WBP1L: variants seen among roughly 807,000 people sequenced by gnomAD.
WBP1L encodes WW domain binding protein 1 like.
In WBP1L, 17 loss-of-function variants were observed where a neutral mutation model predicts 33.7. That is an observed-to-expected ratio of 0.50 (90% CI 0.34 to 0.76). WBP1L has a LOEUF of 0.76. WBP1L is among the 30% of genes least tolerant of loss of function. The pLI is 0.01. For synonymous variants in WBP1L, 173 were observed against 190.8 expected, an observed-to-expected ratio of 0.91 and a Z score of 0.77; for missense variants, 389 against 469.4, an observed-to-expected ratio of 0.83 and a Z score of 1.58.
chr10:102,776,177 T>G, intron 1 of WBP1L: 1 of 1,437,316 alleles, frequency 7.0e-7, no homozygotes, highest in Non-Finnish European at 9.1e-7. Context: ...AAGGTGGGGG[T>G]GGGCCAGAGC....
chr10:102,760,258 C>T (rs557815466), intron 1 of WBP1L, among the ~76,000 whole-genome samples: 2 of 152,220 alleles, frequency 1.3e-5, no homozygotes, highest in Admixed American at 6.5e-5. Flanking sequence ...TTCTTTTAAA[C>T]TGGGCTCGGT....
At chr10:102,791,875 A>G (rs1590185271) in intron 1 of WBP1L, among the ~76,000 whole-genome samples, 1 of 152,232 alleles carries the variant, frequency 6.6e-6, no homozygotes, top group Non-Finnish European at 1.5e-5. Context: ...GATTAAAACC[A>G]TGCCTGGGGA....
chr10:102,768,371 GTT>G (rs1192088947), intron 1 of WBP1L, among the ~76,000 whole-genome samples: 3 of 12,226 alleles, frequency 2.5e-4, no homozygotes, highest in Admixed American at 1.1e-3. Flanking sequence ...TTAGTTTTTT[GTT>G]TTTTTTTTTT....
At position 102,810,583 on chromosome 10, in the gene WBP1L, T is replaced by TTTG. The variant is rs71019617; in HGVS notation, c.355+529_355+530insTTG. 2.8e-5 allele frequency among the ~76,000 whole-genome samples: 4 copies of TTTG among 141,218 alleles called. 1 individual carries two copies. The highest frequency in any genetic ancestry group is 4.6e-5 in the Non-Finnish European group (3 of 64,838). The allele number at this position is 141,218 out of a possible 152,430, so 92.6% of individuals were successfully genotyped here. On this transcript the variant is annotated intron_variant, in intron 3 of 3. Transcript: ENST00000448841. ...CTATTTCTTTTTTTTTTTTTTTTTT[T>TTTG]GAGATGGAGTTTCTCTCTTGTTGCC... is the stretch of plus-strand genomic sequence containing the variant.
chr10:102,764,727 G>A (rs1009158330), intron 1 of WBP1L, among the ~76,000 whole-genome samples: 2 of 152,180 alleles, frequency 1.3e-5, no homozygotes, highest in African/African-American at 4.8e-5. Flanking sequence ...TGAAATCTTA[G>A]ACCTGGAGTA....
chr10:102,766,300 G>C (rs1362969924), intron 1 of WBP1L, among the ~76,000 whole-genome samples: 1 of 151,904 alleles, frequency 6.6e-6, no homozygotes, highest in Non-Finnish European at 1.5e-5. Context: ...AAATTAGCTG[G>C]GCATGGTGCG....
intron 2 of WBP1L, among the ~76,000 whole-genome samples, chr10:102,809,058 C>A (rs1408402877): frequency 6.6e-6 from 1 of 150,694 alleles, no homozygotes; most frequent in Non-Finnish European, 1.5e-5. Context: ...GAGTGAGAGA[C>A]CTGCTTTGCT....
intron 1 of WBP1L, among the ~76,000 whole-genome samples, chr10:102,747,020 C>T (rs1221153190): frequency 1.3e-5 from 2 of 152,138 alleles, no homozygotes; most frequent in Non-Finnish European, 1.5e-5. Context: ...ACTTAACTCT[C>T]CTACAGGTTA....
chr10:102,781,445 C>T (rs1297463560), intron 1 of WBP1L, among the ~76,000 whole-genome samples: 1 of 152,108 alleles, frequency 6.6e-6, no homozygotes, highest in African/African-American at 2.4e-5. Flanking sequence ...GTTCCAGAAC[C>T]CAGGGCTAAT....
intron 1 of WBP1L, among the ~76,000 whole-genome samples, chr10:102,747,358 C>CAAAAAAAAAAAAAAAAAA (rs71019610): frequency 1.3e-5 from 1 of 79,022 alleles, no homozygotes. Flanking sequence ...GACTCCGTCT[C>CAAAAAAAAAAAAAAAAAA]AAAAAAAAAA....
chr10:102,769,590 T>C lies in WBP1L; in HGVS notation c.90+25447T>C, dbSNP rs959074917. Among the ~76,000 whole-genome samples, 4 of 152,328 alleles carry C rather than the reference T, an allele frequency of 2.6e-5. No individual in the cohort carries two copies. The East Asian group carries it at 7.7e-4, about 29-fold the overall frequency. ...GGTGGACTGGATGCAACTGTAAATA[T>C]CAGGTCACAAGTAAGGGGGAAGTGA... On this transcript the variant is annotated intron_variant, in intron 1 of 3. Coordinates refer to ENST00000448841, the MANE Select transcript of WBP1L (RefSeq NM_001083913.2).
At chr10:102,755,539 A>G (rs1842965167) in intron 1 of WBP1L, among the ~76,000 whole-genome samples, 1 of 151,438 alleles carries the variant, frequency 6.6e-6, no homozygotes, top group Non-Finnish European at 1.5e-5. Flanking sequence ...TTACAGGCAC[A>G]CACTACTATG....
chr10:102,809,650 C>T (rs1158927993), intron 2 of WBP1L, among the ~76,000 whole-genome samples: 1 of 152,236 alleles, frequency 6.6e-6, no homozygotes, highest in Non-Finnish European at 1.5e-5. Context: ...GCATGAGCCA[C>T]CACGCCCGGC....
At chr10:102,758,840 G>A (rs994558845) in intron 1 of WBP1L, among the ~76,000 whole-genome samples, 8 of 152,266 alleles carry the variant, frequency 5.3e-5, no homozygotes, top group Admixed American at 5.2e-4. Context: ...AGGATAGGGG[G>A]CCCTTCCTTT....
intron 1 of WBP1L, among the ~76,000 whole-genome samples, chr10:102,794,378 C>G (rs1349395642): frequency 3.9e-5 from 6 of 152,134 alleles, no homozygotes; most frequent in African/African-American, 1.4e-4. Flanking sequence ...ACTCGGGAGG[C>G]TGAGGCAGGA....
Position 102,813,072 on chromosome 10 carries a change from GC to G in WBP1L, c.834del (p.Cys278Ter). On this transcript the variant is annotated frameshift_variant, in exon 4 of 4. Coordinates refer to ENST00000448841, the MANE Select transcript of WBP1L (RefSeq NM_001083913.2). LOFTEE classifies it high-confidence loss of function. ...GACTCGGGCATTGAAGTGTGTGTGT[GC>G]AACCGGGGCCACCATGACGATGACC... ...TGDSGIEVCV[C>X]NRGHHDDDLK... is the part of the protein sequence containing the mutation. 1 of 1,613,862 alleles carries G rather than the reference GC, an allele frequency of 6.2e-7. No homozygotes were observed. The highest frequency in any genetic ancestry group is 8.5e-7 in the Non-Finnish European group (1 of 1,180,024).
chr10:102,790,837 T>C (rs1161766533), intron 1 of WBP1L, among the ~76,000 whole-genome samples: 1 of 152,112 alleles, frequency 6.6e-6, no homozygotes, highest in East Asian at 1.9e-4. Context: ...TAGGAATCCT[T>C]TGTGCCGTGG....
At position 102,810,032 on chromosome 10, in the gene WBP1L, C is replaced by T. The variant is rs866326526; in HGVS notation, c.333C>T (p.Tyr111=). ...TCGCTTACCGAGAAGCCCACAATTA[C>T]TCAGCGCTGCCATTTTATTTCAGTA... The part of the protein sequence containing the change: ...NLIAYREAHN[Y]SALPFYFRFL... The change falls in exon 3 of 4, where the codon TAC becomes TAT. Residue 111 remains tyrosine, a synonymous_variant. Transcript: ENST00000448841. 6.2e-7 allele frequency: 1 copy of T among 1,613,136 alleles called. No individual in the cohort carries two copies. The highest frequency in any genetic ancestry group is 2.2e-5 in the East Asian group (1 of 44,882).
intron 1 of WBP1L, among the ~76,000 whole-genome samples, chr10:102,765,335 T>G (rs935804942): frequency 6.6e-6 from 1 of 152,182 alleles, no homozygotes; most frequent in South Asian, 2.1e-4. Context: ...GACACTCAGT[T>G]GATCCTCCTA....
Sources: allele counts gnomAD v4.1 joint callset (sites outside exome capture counted in the v4.1 genomes callset), GRCh38; gene constraint gnomAD v4.1.1; transcripts MANE v1.5; gene names NCBI Gene and HGNC (gene_info 2026-07-23, HGNC 2026-07-21).